The following METAP1D variants were observed in gnomAD, a reference collection of about 807,000 sequenced individuals.
METAP1D encodes the protein methionyl aminopeptidase type 1D, mitochondrial, also known as methionine aminopeptidase 1D, mitochondrial.
A neutral mutation model predicts 40.5 loss-of-function variants in METAP1D; 31 were observed. The ratio of observed to expected loss-of-function variants is 0.77; its 90% confidence interval spans 0.58 to 1.03. The LOEUF is 1.03. Among genes scored for constraint, METAP1D ranks in the 50% least tolerant of loss-of-function variants. The pLI is 0.00. For synonymous variants in METAP1D, 151 were observed against 146.4 expected (o/e 1.03, Z -0.22); for missense variants, 411 against 420.7 (o/e 0.98, Z 0.20).
intron 1 of METAP1D, among the ~76,000 whole-genome samples, chr2:172,004,164 T>A (rs974018872): frequency 6.6e-6 from 1 of 152,194 alleles, no homozygotes; most frequent in Non-Finnish European, 1.5e-5. Flanking sequence ...AGAATTTTGT[T>A]ACCTTAGTGG....
intron 1 of METAP1D, among the ~76,000 whole-genome samples, chr2:172,016,064 C>G (rs1454883610): frequency 4.2e-5 from 6 of 143,816 alleles, no homozygotes; most frequent in Non-Finnish European, 9.0e-5. Flanking sequence ...CGAGATCGGC[C>G]TGGCTAATAT....
intron 1 of METAP1D, among the ~76,000 whole-genome samples, chr2:172,025,998 A>C (rs1362267707): frequency 6.6e-6 from 1 of 152,244 alleles, no homozygotes; most frequent in Non-Finnish European, 1.5e-5. Flanking sequence ...AAACCTTACC[A>C]AATTTGAGAG....
chr2:172,063,697 C>A lies in METAP1D; in HGVS notation c.199-14C>A. On this transcript the variant is annotated splice_polypyrimidine_tract_variant and intron_variant, in intron 2 of 9. Coordinates refer to ENST00000315796, the MANE Select transcript of METAP1D (RefSeq NM_199227.3). ...CTGGGTTCTGATCTTCGTTTTCAAT[C>A]CTTTTTCCTCAAGCACATAAAGAAG... is the stretch of plus-strand genomic sequence containing the variant. The A allele has an allele frequency of 6.2e-7, 1 of 1,602,618 alleles. No homozygotes were observed. The highest frequency in any genetic ancestry group is 8.5e-7 in the Non-Finnish European group (1 of 1,170,242).
chr2:172,063,693 C>A lies in METAP1D; in HGVS notation c.199-18C>A, dbSNP rs549923750. On this transcript the variant is annotated intron_variant, in intron 2 of 9. Transcript: ENST00000315796. ...TGCGCTGGGTTCTGATCTTCGTTTTCAATCCTTTTTCCTCAAGCACATAAA... is the reference window on the plus strand; with the variant it reads ...TGCGCTGGGTTCTGATCTTCGTTTTAAATCCTTTTTCCTCAAGCACATAAA... 2.5e-6 allele frequency: 4 copies of A among 1,597,652 alleles called. No individual in the cohort carries two copies. In the East Asian group the frequency reaches 6.7e-5, roughly 27 times the overall value.
At chr2:172,001,453 G>A (rs1688459713) in intron 1 of METAP1D, among the ~76,000 whole-genome samples, 1 of 151,938 alleles carries the variant, frequency 6.6e-6, no homozygotes, top group South Asian at 2.1e-4. Context: ...TAGGAAAATT[G>A]CTTTAACCCA....
intron 1 of METAP1D, among the ~76,000 whole-genome samples, chr2:172,022,258 A>C (rs967029236): frequency 6.6e-6 from 1 of 152,200 alleles, no homozygotes; most frequent in Non-Finnish European, 1.5e-5. Flanking sequence ...TTAAAGAAAA[A>C]TGTCTTCCGG....
chr2:172,058,766 A>G (rs977026357), intron 1 of METAP1D, among the ~76,000 whole-genome samples: 3 of 152,214 alleles, frequency 2.0e-5, no homozygotes, highest in Non-Finnish European at 2.9e-5. Flanking sequence ...AAACACCTCT[A>G]TAAGTTAGAT....
chr2:172,007,742 T>C (rs1169467250), intron 1 of METAP1D, among the ~76,000 whole-genome samples: 1 of 152,088 alleles, frequency 6.6e-6, no homozygotes, highest in Non-Finnish European at 1.5e-5. Flanking sequence ...CAGGATGGAG[T>C]GCAGTGGCGC....
At chr2:172,001,398 C>T (rs7598232) in intron 1 of METAP1D, among the ~76,000 whole-genome samples, 28,278 of 151,866 alleles carry the variant, frequency 0.19, 3,848 homozygotes, top group African/African-American at 0.38. Context: ...ATTAGCTGGG[C>T]GTGGTGGCGC....
intron 1 of METAP1D, among the ~76,000 whole-genome samples, chr2:172,017,948 G>A (rs1322813500): frequency 6.6e-6 from 1 of 151,876 alleles, no homozygotes; most frequent in Non-Finnish European, 1.5e-5. Flanking sequence ...CCAACATGGT[G>A]AAACCCCGTC....
chr2:172,039,264 G>T (rs1689461199), intron 1 of METAP1D, among the ~76,000 whole-genome samples: 1 of 152,118 alleles, frequency 6.6e-6, no homozygotes, highest in Non-Finnish European at 1.5e-5. Flanking sequence ...AAAACTTTTA[G>T]ATCCCAGCTA....
chr2:172,017,230 G>C (rs188870154), intron 1 of METAP1D, among the ~76,000 whole-genome samples: 55 of 105,892 alleles, frequency 5.2e-4, no homozygotes, highest in African/African-American at 1.8e-3. Flanking sequence ...TTCCATGAAA[G>C]GTTTTACACA....
chr2:172,050,566 C>T (rs923605054), intron 1 of METAP1D, among the ~76,000 whole-genome samples: 3 of 152,106 alleles, frequency 2.0e-5, no homozygotes, highest in Admixed American at 6.6e-5. Context: ...CTATTTTCCT[C>T]TTCTTTAACC....
intron 1 of METAP1D, among the ~76,000 whole-genome samples, chr2:172,010,066 T>C (rs894871198): frequency 3.3e-5 from 5 of 151,966 alleles, no homozygotes; most frequent in African/African-American, 1.2e-4. Context: ...GAGCAAAATT[T>C]AGCAGTAGAA....
chr2:172,065,628 G>C lies in METAP1D; in HGVS notation c.373G>C (p.Asp125His). 6.2e-7 allele frequency: 1 copy of C among 1,613,802 alleles called. No homozygotes were observed. The highest frequency in any genetic ancestry group is 8.5e-7 in the Non-Finnish European group (1 of 1,179,886). The change falls in exon 4 of 10, where the codon GAT (aspartate) becomes CAT (histidine). Residue 125 changes from aspartate (D) to histidine (H), a missense_variant. Coordinates refer to ENST00000315796, the MANE Select transcript of METAP1D (RefSeq NM_199227.3). ...GGTTGACATGACAACTGAAGAGATA[G>C]ATGCTCTTGTTCATCGGGAAATCAT... ...LKVDMTTEEI[D>H]ALVHREIISH...
At chr2:172,002,862 CT>C (rs960597600) in intron 1 of METAP1D, among the ~76,000 whole-genome samples, 4 of 152,022 alleles carry the variant, frequency 2.6e-5, no homozygotes, top group Non-Finnish European at 5.9e-5. Flanking sequence ...TAGAGGAAGA[CT>C]TTTTTTTAAC....
At chr2:172,043,115 A>ATT (rs1553270232) in intron 1 of METAP1D, among the ~76,000 whole-genome samples, 1 of 94,596 alleles carries the variant, frequency 1.1e-5, no homozygotes, top group African/African-American at 3.1e-5. Flanking sequence ...ATATATATAT[A>ATT]TATTTTTTGG....
At chr2:172,037,521 C>T (rs552638721) in intron 1 of METAP1D, among the ~76,000 whole-genome samples, 1 of 152,150 alleles carries the variant, frequency 6.6e-6, no homozygotes, top group Non-Finnish European at 1.5e-5. Flanking sequence ...ACATGCCAGG[C>T]GCTGTGCTAA....
intron 2 of METAP1D, 44 bp from the exon 3 acceptor site, chr2:172,063,667 G>A (rs775310217): frequency 2.1e-5 from 31 of 1,458,414 alleles, no homozygotes; most frequent in South Asian, 4.7e-5. Flanking sequence ...TCCCATTGTC[G>A]TGCGCTGGGT....
Sources: gnomAD v4.1 joint callset for allele counts (sites outside exome capture counted in the v4.1 genomes callset) on GRCh38, gnomAD v4.1.1 for gene constraint, MANE v1.5 for transcripts, NCBI Gene and HGNC (gene_info 2026-07-23, HGNC 2026-07-21) for gene names.